The following PALM2AKAP2 variants were observed in gnomAD, a reference collection of about 807,000 sequenced individuals.
The protein encoded by PALM2AKAP2 is PALM2 and AKAP2 fusion.
PALM2AKAP2 carries 37 observed loss-of-function variants against 71.5 expected under a neutral mutation model. The ratio of observed to expected loss-of-function variants is 0.52; its 90% CI spans 0.40 to 0.68. PALM2AKAP2 has a LOEUF of 0.68. Ranked by LOEUF, PALM2AKAP2 falls within the 30% of genes least tolerant of loss-of-function variation. The pLI is 0.00. For synonymous variants in PALM2AKAP2, 468 were observed against 478.8 expected, an observed-to-expected ratio of 0.98 and a Z score of 0.29; for missense variants, 1,224 against 1,191.8, an observed-to-expected ratio of 1.03 and a Z score of -0.40.
chr9:109,957,496 A>G lies in PALM2AKAP2; in HGVS notation c.496+25468A>G, dbSNP rs138815858. Among the ~76,000 whole-genome samples the G allele has an allele frequency of 2.0e-3, 298 of 152,354 alleles. 3 individuals carry two copies. Among genetic ancestry groups the G allele is most frequent in the African/African-American group, 6.8e-3 (282 of 41,588 alleles). ...GCTCAGCACTAGAGAAGCAGCAGAC[A>G]TGAGTAGAAAAAGGTTCTCCCAAAG... On this transcript the variant is annotated intron_variant, in intron 6 of 9. Coordinates refer to the PALM2AKAP2 transcript ENST00000302798.
chr9:109,907,096 C>T (rs1830462230), intron 3 of PALM2AKAP2, among the ~76,000 whole-genome samples: 2 of 152,200 alleles, frequency 1.3e-5, no homozygotes, highest in African/African-American at 2.4e-5. Flanking sequence ...TCTTCAAGAT[C>T]CTACTGACAT....
chr9:109,983,160 C>T (rs961207177), intron 6 of PALM2AKAP2, among the ~76,000 whole-genome samples: 11 of 152,124 alleles, frequency 7.2e-5, no homozygotes, highest in African/African-American at 1.9e-4. Flanking sequence ...ATAAAATTTC[C>T]GGCTTTCAGG....
At chr9:109,961,554 T>G (rs28498140) in intron 6 of PALM2AKAP2, among the ~76,000 whole-genome samples, 155 of 152,376 alleles carry the variant, frequency 1.0e-3, no homozygotes, top group African/African-American at 3.6e-3. Flanking sequence ...TGTCCCAGTT[T>G]GCACATGTTT....
intron 1 of PALM2AKAP2, among the ~76,000 whole-genome samples, chr9:109,646,888 T>C (rs1225087021): frequency 6.6e-6 from 1 of 152,246 alleles, no homozygotes; most frequent in African/African-American, 2.4e-5. Flanking sequence ...ATGGTGGGCA[T>C]TAAACAAATG....
At chr9:110,157,363 G>C (rs1313945525) in intron 3 of PALM2AKAP2, among the ~76,000 whole-genome samples, 1 of 150,588 alleles carries the variant, frequency 6.6e-6, no homozygotes, top group African/African-American at 2.5e-5. Flanking sequence ...TTGTGGTGTT[G>C]TGGTTATTAA....
At chr9:109,957,792 G>A (rs1054952847) in intron 6 of PALM2AKAP2, among the ~76,000 whole-genome samples, 4 of 152,128 alleles carry the variant, frequency 2.6e-5, no homozygotes, top group African/African-American at 7.2e-5. Flanking sequence ...TAATTGGTAG[G>A]GTGAAGCCTG....
chr9:109,921,804 T>C (rs1485535050), intron 3 of PALM2AKAP2, among the ~76,000 whole-genome samples: 1 of 152,162 alleles, frequency 6.6e-6, no homozygotes, highest in Non-Finnish European at 1.5e-5. Context: ...CTAGATACCA[T>C]GGGGACTTAT....
At chr9:109,721,214 G>A (rs867961238) in intron 1 of PALM2AKAP2, among the ~76,000 whole-genome samples, 11 of 152,124 alleles carry the variant, frequency 7.2e-5, no homozygotes, top group Admixed American at 1.3e-4. Context: ...CTGAGCTGAC[G>A]ACTGTCTTCC....
intron 1 of PALM2AKAP2, among the ~76,000 whole-genome samples, chr9:109,784,575 G>A (rs1165540435): frequency 2.0e-5 from 3 of 152,230 alleles, no homozygotes; most frequent in South Asian, 4.1e-4. Context: ...ACACTGAAAT[G>A]CTTTTCAGCA....
At chr9:109,846,874 A>T (rs924154780) in intron 1 of PALM2AKAP2, among the ~76,000 whole-genome samples, 1 of 152,234 alleles carries the variant, frequency 6.6e-6, no homozygotes, top group Non-Finnish European at 1.5e-5. Flanking sequence ...TGCTTTTTTG[A>T]TGTTTGAAAT....
At chr9:109,812,737 G>A (rs981003612) in intron 1 of PALM2AKAP2, among the ~76,000 whole-genome samples, 4 of 152,224 alleles carry the variant, frequency 2.6e-5, no homozygotes, top group South Asian at 2.1e-4. Flanking sequence ...TAGGGCAGGT[G>A]CGCATGTTGC....
chr9:109,707,471 G>A (rs1386897500), intron 1 of PALM2AKAP2, among the ~76,000 whole-genome samples: 4 of 152,174 alleles, frequency 2.6e-5, no homozygotes, highest in Non-Finnish European at 5.9e-5. Flanking sequence ...TGGCAGGTGA[G>A]CAGTGACAAC....
intron 6 of PALM2AKAP2, among the ~76,000 whole-genome samples, chr9:109,988,678 G>A: frequency 7.0e-6 from 1 of 142,886 alleles, no homozygotes; most frequent in Non-Finnish European, 1.5e-5. Context: ...GGGAAGGGAA[G>A]GGAAAGGAAG....
chr9:110,154,360 C>T (rs60197224), intron 2 of PALM2AKAP2, among the ~76,000 whole-genome samples: 6,987 of 152,242 alleles, frequency 0.046, 213 homozygotes, highest in South Asian at 0.12. Flanking sequence ...TACACGCTCA[C>T]CACTGTGCTA....
intron 2 of PALM2AKAP2, among the ~76,000 whole-genome samples, chr9:110,146,181 A>G (rs1018543289): frequency 2.8e-4 from 42 of 152,178 alleles, no homozygotes; most frequent in Non-Finnish European, 5.9e-5. Context: ...TTGGGATTAC[A>G]GGCGTGAGCC....
At chr9:110,168,061 CA>C (rs1419841383) in intron 3 of PALM2AKAP2, among the ~76,000 whole-genome samples, 1 of 152,306 alleles carries the variant, frequency 6.6e-6, no homozygotes, top group East Asian at 1.9e-4. Flanking sequence ...TTCAATTGGA[CA>C]GCACTGATCT....
chr9:109,808,203 G>A (rs1827632322), intron 1 of PALM2AKAP2, among the ~76,000 whole-genome samples: 1 of 152,206 alleles, frequency 6.6e-6, no homozygotes, highest in South Asian at 2.1e-4. Flanking sequence ...GGAACAGTTT[G>A]GAGTGCTCAG....
At chr9:109,806,359 G>C (rs967694456) in intron 1 of PALM2AKAP2, among the ~76,000 whole-genome samples, 2 of 152,170 alleles carry the variant, frequency 1.3e-5, no homozygotes, top group Non-Finnish European at 2.9e-5. Flanking sequence ...ATTCAGCCAA[G>C]AAATATTTTT....
intron 1 of PALM2AKAP2, chr9:110,090,148 C>T (rs751697464): frequency 9.5e-5 from 29 of 305,462 alleles, no homozygotes; most frequent in Non-Finnish European, 1.1e-4. Context: ...CCGGAGAAGT[C>T]GGGCCGGTTC....
Sources: gnomAD v4.1 joint callset for allele counts (sites outside exome capture counted in the v4.1 genomes callset) on GRCh38, gnomAD v4.1.1 for gene constraint, MANE v1.5 for transcripts, NCBI Gene and HGNC (gene_info 2026-07-23, HGNC 2026-07-21) for gene names.